Variants in SDF2 observed in about 807,000 individuals in gnomAD.
SDF2 encodes the protein stromal cell-derived factor 2.
SDF2 carries 12 observed loss-of-function variants against 20.5 expected under a neutral mutation model. The ratio of observed to expected loss-of-function variants is 0.58; its 90% CI spans 0.37 to 0.95. The LOEUF (loss-of-function observed/expected upper bound fraction) is 0.95, where lower values mean the gene tolerates loss of function less well. Among genes scored for constraint, SDF2 ranks in the 40% least tolerant of loss-of-function variants. The probability of loss-of-function intolerance (pLI) is 0.01; values close to 1 mark genes in which losing one functional copy is unlikely to be tolerated. For missense variants in SDF2, 238 were observed against 263.1 expected (o/e 0.90, Z 0.66); for synonymous variants, 100 against 101.0 (o/e 0.99, Z 0.06).
chr17:28,661,061 T>C, intron 1 of SDF2: 2 of 384,634 alleles, frequency 5.2e-6, no homozygotes, highest in Non-Finnish European at 9.7e-6. Flanking sequence ...AATTTATTAC[T>C]AAACATTTTA....
intron 1 of SDF2, chr17:28,656,455 G>C (rs968855888): frequency 3.9e-5 from 6 of 152,052 alleles, no homozygotes; most frequent in African/African-American, 1.2e-4. Flanking sequence ...GGGTGTGGTG[G>C]TGGCAGCCTG....
chr17:28,658,828 C>T (rs1188924224), intron 1 of SDF2, among the ~76,000 whole-genome samples: 3 of 152,214 alleles, frequency 2.0e-5, no homozygotes, highest in Non-Finnish European at 4.4e-5. Context: ...TGGAAGACTG[C>T]ACAGCGGCCA....
At position 28,655,529 on chromosome 17, in the gene SDF2, A is replaced by G. The variant is rs756412313; in HGVS notation, c.152-46T>C. ...GCAACTCTCTTTCTCTGCCATGGAC[A>G]ACATGCTCAGAGACAGAAGCTTGAG... On this transcript the variant is annotated intron_variant, in intron 1 of 2. Coordinates refer to ENST00000247020, the MANE Select transcript of SDF2 (RefSeq NM_006923.4). The G allele has an allele frequency of 4.0e-6, 6 of 1,503,816 alleles. 1 individual carries two copies. The highest frequency in any genetic ancestry group is 4.5e-6 in the Non-Finnish European group (5 of 1,110,450). The allele number at this position is 1,503,816 out of a possible 1,614,324, so 93.2% of individuals were successfully genotyped here.
At chr17:28,659,757 C>T (rs1381175754) in intron 1 of SDF2, among the ~76,000 whole-genome samples, 8 of 137,184 alleles carry the variant, frequency 5.8e-5, no homozygotes, top group South Asian at 2.4e-4. Flanking sequence ...ATATCCCAGA[C>T]GGGGCGGCCA....
In SDF2 at chr17:28,648,463, T is replaced by A. The variant is rs955030142; in HGVS notation, c.*526A>T. ...AAGTCAAAGTAGAGGGAGAAAAGGT[T>A]TGTATGCAAGAAAAGCTCTTAAAAG... On this transcript the variant is annotated 3_prime_UTR_variant, in exon 3 of 3. Coordinates refer to ENST00000247020, the MANE Select transcript of SDF2 (RefSeq NM_006923.4). The A allele has an allele frequency of 6.5e-6, 1 of 154,822 alleles. No homozygotes were observed. The highest frequency in any genetic ancestry group is 2.4e-5 in the African/African-American group (1 of 41,464). The allele number at this position is 154,822 out of a possible 1,614,324, so 9.6% of individuals were successfully genotyped here.
chr17:28,659,242 C>G (rs1313018595), intron 1 of SDF2, among the ~76,000 whole-genome samples: 2 of 132,070 alleles, frequency 1.5e-5, no homozygotes, highest in South Asian at 2.5e-4. Flanking sequence ...TCCCCACTTC[C>G]CAGACGGGGC....
chr17:28,648,747 T>TC lies in SDF2; in HGVS notation c.*241dup, dbSNP rs2071886282. The TC allele has an allele frequency of 1.8e-6, 1 of 565,632 alleles. No homozygotes were observed. Among genetic ancestry groups the TC allele is most frequent in the African/African-American group, 1.9e-5 (1 of 53,466 alleles). The allele number at this position is 565,632 out of a possible 1,614,324, so 35.0% of individuals were successfully genotyped here. A position where few individuals can be genotyped will look rare whatever the true frequency, so the allele number is the denominator to read the frequency against. On this transcript the variant is annotated 3_prime_UTR_variant, in exon 3 of 3. Coordinates refer to ENST00000247020, the MANE Select transcript of SDF2 (RefSeq NM_006923.4). ...GTTTTATCAGTACTAATAAAAAGCATCTGCCCCTTTACCAGCAAGTCCTCT... is the reference window on the plus strand; with the variant it reads ...GTTTTATCAGTACTAATAAAAAGCATCCTGCCCCTTTACCAGCAAGTCCTCT...
chr17:28,652,862 A>T (rs2071926730), intron 2 of SDF2, among the ~76,000 whole-genome samples: 1 of 152,242 alleles, frequency 6.6e-6, no homozygotes, highest in Admixed American at 6.5e-5. Flanking sequence ...GGATACTGCC[A>T]ATGGACACAA....
chr17:28,658,404 G>GCCTT (rs1171752219), intron 1 of SDF2, among the ~76,000 whole-genome samples: 3 of 152,130 alleles, frequency 2.0e-5, no homozygotes, highest in Non-Finnish European at 4.4e-5. Flanking sequence ...GGTCCCTGCG[G>GCCTT]CCTTCCGCAG....
intron 1 of SDF2, chr17:28,660,975 G>C: frequency 6.1e-6 from 1 of 164,512 alleles, no homozygotes; most frequent in Non-Finnish European, 1.3e-5. Flanking sequence ...TATCACCACC[G>C]AATCTCCTGT....
At chr17:28,657,300 G>A (rs945159106) in intron 1 of SDF2, among the ~76,000 whole-genome samples, 2 of 152,018 alleles carry the variant, frequency 1.3e-5, no homozygotes, top group African/African-American at 4.8e-5. Context: ...TGTAATCCAA[G>A]CGCTTTGGGA....
chr17:28,651,952 A>G (rs1438344913), intron 2 of SDF2, among the ~76,000 whole-genome samples: 2 of 152,230 alleles, frequency 1.3e-5, no homozygotes, highest in African/African-American at 4.8e-5. Flanking sequence ...GAATTTACAA[A>G]TTAGCACAGG....
chr17:28,658,388 G>A (rs1025340607), intron 1 of SDF2, among the ~76,000 whole-genome samples: 2 of 152,012 alleles, frequency 1.3e-5, no homozygotes, highest in African/African-American at 4.8e-5. Flanking sequence ...GGTTTTCCTA[G>A]GCAGAGGTCC....
chr17:28,655,743 T>C, intron 1 of SDF2: 1 of 536,950 alleles, frequency 1.9e-6, no homozygotes. Context: ...CTTTGCGTGC[T>C]TGCATCCAAA....
At chr17:28,661,035 GA>G in intron 1 of SDF2, 1 of 360,020 alleles carries the variant, frequency 2.8e-6, no homozygotes, top group Non-Finnish European at 5.1e-6. Context: ...GACCTATGCT[GA>G]ATGAATCCAC....
In SDF2 at chr17:28,659,285, G is replaced by A. The variant is rs566604466; in HGVS notation, c.151+2441C>T. On this transcript the variant is annotated intron_variant, in intron 1 of 2. Coordinates refer to ENST00000247020, the MANE Select transcript of SDF2 (RefSeq NM_006923.4). ...CAGAGGCGCTCCCCACTTCCCAGAC[G>A]GGGCAGCCGGGCAGAGGCGCTCCCC... 1.3e-3 allele frequency among the ~76,000 whole-genome samples: 174 copies of A among 132,708 alleles called. No individual in the cohort carries two copies. The Middle Eastern group carries it at 0.018, about 14-fold the overall frequency. The allele number at this position is 132,708 out of a possible 152,430, so 87.1% of individuals were successfully genotyped here.
chr17:28,657,472 G>A (rs918106921), intron 1 of SDF2, among the ~76,000 whole-genome samples: 6 of 151,442 alleles, frequency 4.0e-5, no homozygotes, highest in African/African-American at 1.5e-4. Context: ...ATCACAGCTC[G>A]CCACAGCCTT....
chr17:28,656,305 G>A (rs1262190346), intron 1 of SDF2: 3 of 151,912 alleles, frequency 2.0e-5, no homozygotes, highest in Non-Finnish European at 4.4e-5. Flanking sequence ...AATTTTTTAG[G>A]CTGGGTGTGG....
intron 1 of SDF2, chr17:28,661,214 A>G (rs1276225650): frequency 2.2e-6 from 1 of 453,436 alleles, no homozygotes; most frequent in Non-Finnish European, 4.4e-6. Context: ...TGTAAGATGC[A>G]GAAGAGCTGG....
Sources: allele counts gnomAD v4.1 joint callset (sites outside exome capture counted in the v4.1 genomes callset), GRCh38; gene constraint gnomAD v4.1.1; transcripts MANE v1.5; gene names NCBI Gene and HGNC (gene_info 2026-07-23, HGNC 2026-07-21).